ASPG: variants seen among roughly 807,000 people sequenced by gnomAD.
ASPG encodes the protein asparaginase, also known as 60 kDa lysophospholipase.
A neutral mutation model predicts 63.2 loss-of-function variants in ASPG; 53 were observed. That is an observed-to-expected ratio of 0.84 (90% CI 0.67 to 1.05). The LOEUF is 1.05. ASPG is among the 50% of genes least tolerant of loss of function. The probability of loss-of-function intolerance (pLI) is 0.00; values close to 1 mark genes in which losing one functional copy is unlikely to be tolerated. For missense variants in ASPG, 741 were observed against 794.4 expected (o/e 0.93, Z 0.81); for synonymous variants, 370 against 355.0 (o/e 1.04, Z -0.48).
chr14:104,093,968 C>T (rs1023603759), intron 3 of ASPG, among the ~76,000 whole-genome samples: 20 of 150,974 alleles, frequency 1.3e-4, no homozygotes, highest in African/African-American at 4.9e-4. Context: ...ATGGGCGGGG[C>T]TGGTGGATGG....
chr14:104,107,420 C>T (rs573635318), intron 12 of ASPG, 75 bp downstream of exon 12: 2 of 1,290,180 alleles, frequency 1.6e-6, no homozygotes, highest in East Asian at 3.0e-5. Flanking sequence ...TGCACTCAAA[C>T]AGCCTCCCGG....
chr14:104,100,888 C>T (rs890477202), intron 6 of ASPG, among the ~76,000 whole-genome samples: 2 of 152,222 alleles, frequency 1.3e-5, no homozygotes, highest in East Asian at 3.9e-4. Context: ...CCGGCTCCCC[C>T]ATGGGGCCTG....
At chr14:104,107,144 G>A in intron 11 of ASPG, 38 bp from the exon 12 acceptor site, 2 of 1,527,176 alleles carry the variant, frequency 1.3e-6, no homozygotes, top group Non-Finnish European at 1.8e-6. Flanking sequence ...CCCCGCCTGG[G>A]TCTCCCTCAG....
chr14:104,098,217 CGTATGGAGGTTTTA>C (rs2036714211), intron 5 of ASPG, among the ~76,000 whole-genome samples: 1 of 152,030 alleles, frequency 6.6e-6, no homozygotes, highest in South Asian at 2.1e-4. Context: ...GTTAGAGATA[CGTATGGAGGTTTTA>C]CATTAGAGAT....
chr14:104,093,478 TTC>T lies in ASPG; in HGVS notation c.192-11_192-10del, dbSNP rs1241303992. 6.2e-7 allele frequency: 1 copy of T among 1,607,056 alleles called. No individual in the cohort carries two copies. Among genetic ancestry groups the T allele is most frequent in the Non-Finnish European group, 8.5e-7 (1 of 1,175,390 alleles). On this transcript the variant is annotated splice_polypyrimidine_tract_variant and intron_variant, in intron 2 of 15. Coordinates refer to ENST00000551177, the MANE Select transcript of ASPG (RefSeq NM_001080464.3). ...AGCCTGCTGTTCCGCCTCCTGCTGT[TTC>T]TGTCCCGCAGCCCGGCCAGCCGCAA...
chr14:104,092,869 CT>C, intron 2 of ASPG, 128 bp downstream of exon 2: 2 of 769,212 alleles, frequency 2.6e-6, no homozygotes, highest in Non-Finnish European at 4.3e-6. Flanking sequence ...ATCCCCTCAG[CT>C]TACAGGGCTT....
At chr14:104,111,283 G>A (rs924308386) in intron 13 of ASPG, 1 of 840,648 alleles carries the variant, frequency 1.2e-6, no homozygotes, top group Admixed American at 6.2e-5. Context: ...TTGCGCATGT[G>A]TACCCGACTT....
At chr14:104,111,309 C>A in intron 13 of ASPG, 193 bp from the exon 14 acceptor site, 1 of 723,064 alleles carries the variant, frequency 1.4e-6, no homozygotes, top group Non-Finnish European at 1.7e-6. Flanking sequence ...GCAGTCCCAC[C>A]CACTGGGTGA....
Position 104,112,746 on chromosome 14 carries a change from T to G in ASPG, c.*202T>G, listed in dbSNP as rs1282786652. On this transcript the variant is annotated 3_prime_UTR_variant, in exon 16 of 16. Coordinates refer to ENST00000551177, the MANE Select transcript of ASPG (RefSeq NM_001080464.3). ...CAGCCTGGCTCTGAGAGGCTCTGTC[T>G]GGGTCCGGGACTGTGGATGTGTGTG... 2.1e-5 allele frequency: 26 copies of G among 1,255,442 alleles called. No homozygotes were observed. Among genetic ancestry groups the G allele is most frequent in the Non-Finnish European group, 2.7e-5 (25 of 915,762 alleles). 77.8% of individuals were successfully genotyped at this position (1,255,442 alleles called of 1,614,324 possible).
At position 104,097,578 on chromosome 14, in the gene ASPG, G is replaced by A. The variant is rs761786376; in HGVS notation, c.454G>A (p.Asp152Asn). 27 of 1,558,310 alleles carry A rather than the reference G, an allele frequency of 1.7e-5. No homozygotes were observed. The highest frequency in any genetic ancestry group is 1.7e-4 in the South Asian group (14 of 84,404). The change falls in exon 5 of 16, where the codon GAC becomes AAC. Residue 152 changes from aspartate to asparagine, a missense_variant. Coordinates refer to ENST00000551177, the MANE Select transcript of ASPG (RefSeq NM_001080464.3). ...GGTGCCCATCCATGCCCTGTGGAGC[G>A]ACGGCCGTGAGAACCTGCTGGGGGC... is the stretch of plus-strand genomic sequence containing the variant. The part of the protein sequence containing the change: ...AQVPIHALWS[D>N]GRENLLGALL...
At chr14:104,106,968 C>A in intron 11 of ASPG, 74 bp downstream of exon 11, 1 of 1,445,024 alleles carries the variant, frequency 6.9e-7, no homozygotes, top group Non-Finnish European at 9.4e-7. Context: ...GTAGGCAGGA[C>A]GGCCTTTCAT....
rs1449839195 is a variant in ASPG at position 104,109,546 on chromosome 14, G to A, written c.1520+231G>A. 6.6e-6 allele frequency among the ~76,000 whole-genome samples: 1 copy of A among 152,014 alleles called. No individual in the cohort carries two copies. The highest frequency in any genetic ancestry group is 1.5e-5 in the Non-Finnish European group (1 of 68,000). Reference sequence around the variant, plus strand: ...CTCAGCTGAGCGAACAGTCCAGCAAGGGTGTCTCTGTGTGCACATGTGTGC... The same window carrying A: ...CTCAGCTGAGCGAACAGTCCAGCAAAGGTGTCTCTGTGTGCACATGTGTGC... On this transcript the variant is annotated intron_variant, in intron 13 of 15. Coordinates refer to ENST00000551177, the MANE Select transcript of ASPG (RefSeq NM_001080464.3). The surrounding 1 kb of genome is among the most constrained non-coding windows in gnomAD (Gnocchi z 4.8).
intron 15 of ASPG, 44 bp from the exon 16 acceptor site, chr14:104,112,480 G>A (rs11850264): frequency 0.14 from 150,614 of 1,105,460 alleles, 11,701 homozygotes; most frequent in Non-Finnish European, 0.16. Context: ...CCCTGCCTTC[G>A]CACTCTACCT....
In ASPG at chr14:104,104,401, G is replaced by A. The variant is rs771570066; in HGVS notation, c.851G>A (p.Arg284Gln). ...AAGCCCGACCTGCTGCAGGAGCTGC[G>A]GGTGGCCACCGAGCGCGGCCTGGTC... ...PTKPDLLQEL[R>Q]VATERGLVIV... Residue 284 changes from arginine to glutamine, a missense_variant, in exon 8 of 16, where the codon CGG becomes CAG. Physicochemically the swap from Arg to Gln is conservative, Grantham distance 43. Coordinates refer to ENST00000551177, the MANE Select transcript of ASPG (RefSeq NM_001080464.3). 8 of 1,612,482 alleles carry A rather than the reference G, an allele frequency of 5.0e-6. No individual in the cohort carries two copies. The highest frequency in any genetic ancestry group is 1.3e-5 in the African/African-American group (1 of 74,942).
intron 10 of ASPG, 59 bp downstream of exon 10, chr14:104,105,509 C>A (rs554626900): frequency 2.0e-6 from 3 of 1,483,122 alleles, no homozygotes; most frequent in South Asian, 1.4e-5. Context: ...CTCTTGGTCA[C>A]CCTGGGATGC....
intron 6 of ASPG, among the ~76,000 whole-genome samples, chr14:104,103,234 T>G (rs1349824976): frequency 6.6e-6 from 1 of 152,182 alleles, no homozygotes; most frequent in East Asian, 1.9e-4. Flanking sequence ...TGCAGGACCC[T>G]CCTGCCCCTC....
chr14:104,111,472 C>T, intron 13 of ASPG, 30 bp from the exon 14 acceptor site: 1 of 1,533,306 alleles, frequency 6.5e-7, no homozygotes, highest in Non-Finnish European at 8.8e-7. Flanking sequence ...CAGCAGGCCC[C>T]AACAACTCCT....
Position 104,109,118 on chromosome 14 carries a change from C to A in ASPG, c.1434-111C>A. ...AGGCTAGGGCTGTGGGGTCTTGGGCCGGCCGGTCCCCGTCCCTGTGCACAG... is the reference window on the plus strand; with the variant it reads ...AGGCTAGGGCTGTGGGGTCTTGGGCAGGCCGGTCCCCGTCCCTGTGCACAG... On this transcript the variant is annotated intron_variant, in intron 12 of 15. Coordinates refer to ENST00000551177, the MANE Select transcript of ASPG (RefSeq NM_001080464.3). The surrounding 1 kb of genome is among the most constrained non-coding windows in gnomAD (Gnocchi z 4.8). 3.3e-6 allele frequency: 5 copies of A among 1,522,458 alleles called. No homozygotes were observed. Among genetic ancestry groups the A allele is most frequent in the Non-Finnish European group, 4.4e-6 (5 of 1,136,110 alleles). The allele number at this position is 1,522,458 out of a possible 1,614,324, so 94.3% of individuals were successfully genotyped here.
chr14:104,111,037 C>T, intron 13 of ASPG: 1 of 985,456 alleles, frequency 1.0e-6, no homozygotes, highest in Non-Finnish European at 1.2e-6. Flanking sequence ...TCAAACTTTC[C>T]TTCCACCTTT....
Sources: allele counts gnomAD v4.1 joint callset (sites outside exome capture counted in the v4.1 genomes callset), GRCh38; gene constraint gnomAD v4.1.1; non-coding constraint Gnocchi (gnomAD v3.1); transcripts MANE v1.5; gene names NCBI Gene and HGNC (gene_info 2026-07-23, HGNC 2026-07-21).